The following CA10 variants were observed in gnomAD, a reference collection of about 807,000 sequenced individuals.
CA10 encodes the protein carbonic anhydrase-related protein 10.
In CA10, 14 loss-of-function variants were observed where a neutral mutation model predicts 44.2. That is an observed-to-expected ratio of 0.32 (90% confidence interval 0.21 to 0.50). The LOEUF is 0.50. CA10 is among the 20% of genes least tolerant of loss of function. The pLI, the probability that CA10 is intolerant of heterozygous loss-of-function variation, is 0.99. For synonymous variants in CA10, 159 were observed against 141.6 expected, an observed-to-expected ratio of 1.12 and a Z score of -0.87; for missense variants, 350 against 409.7, an observed-to-expected ratio of 0.85 and a Z score of 1.26.
chr17:52,078,182 A>G (rs1481539514), intron 1 of CA10, among the ~76,000 whole-genome samples: 2 of 152,174 alleles, frequency 1.3e-5, no homozygotes, highest in African/African-American at 2.4e-5. Flanking sequence ...AAATACCTCC[A>G]TTTGGAAATT....
intron 4 of CA10, among the ~76,000 whole-genome samples, chr17:51,699,527 C>T (rs547207935): frequency 1.2e-4 from 18 of 152,210 alleles, no homozygotes; most frequent in African/African-American, 4.3e-4. Context: ...CTACTGGTCC[C>T]TCATGTTCAG....
chr17:52,158,021 T>C lies in CA10; in HGVS notation c.-235A>G. ...TGTGCGCCCCAGATGTGCTGACACA[T>C]GTCCGATGCCTCGCTGCCTTGGAGG... On this transcript the variant is annotated 5_prime_UTR_variant, in exon 1 of 9. The change abolishes an upstream ATG in the 5' untranslated region. Transcript: ENST00000451037. 1.7e-6 allele frequency: 1 copy of C among 577,896 alleles called. No individual in the cohort carries two copies. Among genetic ancestry groups the C allele is most frequent in the South Asian group, 2.0e-5 (1 of 51,066 alleles). The allele number at this position is 577,896 out of a possible 1,614,324, so 35.8% of individuals were successfully genotyped here.
Position 51,864,464 on chromosome 17 carries a change from C to A in CA10, c.279+66526G>T, listed in dbSNP as rs569999623. On this transcript the variant is annotated intron_variant, in intron 3 of 8. Transcript: ENST00000451037. ...TAGATTTACTTCTGGCATTTGAAGCCCTCACATCTCTTGTTCTATTTCCTT... is the reference window on the plus strand; with the variant it reads ...TAGATTTACTTCTGGCATTTGAAGCACTCACATCTCTTGTTCTATTTCCTT... Among the ~76,000 whole-genome samples, 5 of 152,150 alleles carry A rather than the reference C, an allele frequency of 3.3e-5. No individual in the cohort carries two copies. In the East Asian group the frequency reaches 9.6e-4, roughly 29 times the overall value.
At chr17:51,777,094 A>G (rs1905850701) in intron 3 of CA10, among the ~76,000 whole-genome samples, 2 of 152,234 alleles carry the variant, frequency 1.3e-5, no homozygotes, top group Non-Finnish European at 2.9e-5. Context: ...AAATGAGAGG[A>G]AAAAAGAGAG....
At chr17:51,886,686 A>C (rs1399572884) in intron 3 of CA10, among the ~76,000 whole-genome samples, 1 of 152,214 alleles carries the variant, frequency 6.6e-6, no homozygotes, top group East Asian at 1.9e-4. Flanking sequence ...TGTTTCTGGA[A>C]GAGATTAGCA....
intron 2 of CA10, among the ~76,000 whole-genome samples, chr17:51,974,668 A>C (rs987595697): frequency 1.5e-4 from 23 of 152,152 alleles, no homozygotes; most frequent in African/African-American, 5.5e-4. Flanking sequence ...CCAGCTGCTG[A>C]AAACTTATTT....
At chr17:52,156,366 C>A (rs1362674458) in intron 1 of CA10, among the ~76,000 whole-genome samples, 1 of 152,184 alleles carries the variant, frequency 6.6e-6, no homozygotes, top group Non-Finnish European at 1.5e-5. Context: ...GTTGGGGTGA[C>A]CCCAGGGCAC....
rs539072041 is a variant in CA10, at chr17:52,037,729, A to C, written c.136+34590T>G. 5.3e-5 allele frequency among the ~76,000 whole-genome samples: 8 copies of C among 152,238 alleles called. No individual in the cohort carries two copies. In the South Asian group the frequency reaches 1.0e-3, roughly 20 times the overall value. ...TGACATTTTTATGAAGATTGTCTTA[A>C]CTATGCAGAGTCTGTATTTTCCCAA... On this transcript the variant is annotated intron_variant, in intron 2 of 8. Coordinates refer to ENST00000451037, the MANE Select transcript of CA10 (RefSeq NM_020178.5).
chr17:51,758,243 ATAT>A (rs888917466), intron 3 of CA10, among the ~76,000 whole-genome samples: 1 of 152,246 alleles, frequency 6.6e-6, no homozygotes, highest in African/African-American at 2.4e-5. Context: ...ATATTAAATC[ATAT>A]TATTATTAAA....
rs116594078 is a variant in CA10, at chr17:51,889,011, C to T, written c.279+41979G>A. 8.4e-3 allele frequency among the ~76,000 whole-genome samples: 1,283 copies of T among 152,124 alleles called. 21 individuals carry two copies. Among genetic ancestry groups the T allele is most frequent in the Middle Eastern group, 0.037 (11 of 294 alleles). On this transcript the variant is annotated intron_variant, in intron 3 of 8. Coordinates refer to ENST00000451037, the MANE Select transcript of CA10 (RefSeq NM_020178.5). ...CTGACAGTTGCTCTTAGAAGTTGGC[C>T]GGGAGCTCAGCTGGTGCTGCCAATC...
intron 8 of CA10, among the ~76,000 whole-genome samples, chr17:51,631,884 C>T (rs1337903791): frequency 6.6e-6 from 1 of 152,048 alleles, no homozygotes; most frequent in African/African-American, 2.4e-5. Context: ...TACTAGTCAC[C>T]CATCCAATGT....
At chr17:51,636,460 T>C (rs1912830497) in intron 6 of CA10, among the ~76,000 whole-genome samples, 1 of 152,160 alleles carries the variant, frequency 6.6e-6, no homozygotes, top group Non-Finnish European at 1.5e-5. Context: ...AGAAGTCACA[T>C]GGTTAAGGCT....
intron 4 of CA10, among the ~76,000 whole-genome samples, chr17:51,717,995 G>A (rs560088467): frequency 2.7e-5 from 4 of 148,830 alleles, no homozygotes; most frequent in South Asian, 2.2e-4. Context: ...ATGTTCTCAC[G>A]GATATGTGGG....
intron 3 of CA10, among the ~76,000 whole-genome samples, chr17:51,753,534 C>T (rs1004275329): frequency 6.6e-6 from 1 of 152,164 alleles, no homozygotes; most frequent in Admixed American, 6.5e-5. Flanking sequence ...ATAAAGATGG[C>T]ATCTTGGTTA....
chr17:52,026,563 C>T (rs1309766697), intron 2 of CA10, among the ~76,000 whole-genome samples: 1 of 152,082 alleles, frequency 6.6e-6, no homozygotes, highest in Non-Finnish European at 1.5e-5. Flanking sequence ...AAAGAGGTTT[C>T]ATTGAGTCAT....
At chr17:52,046,665 T>A (rs1191949226) in intron 2 of CA10, among the ~76,000 whole-genome samples, 1 of 151,754 alleles carries the variant, frequency 6.6e-6, no homozygotes, top group African/African-American at 2.4e-5. Flanking sequence ...ATGGAACACT[T>A]TACAGCTCCT....
intron 6 of CA10, among the ~76,000 whole-genome samples, chr17:51,638,694 G>A (rs1021437828): frequency 1.4e-4 from 21 of 152,326 alleles, no homozygotes; most frequent in African/African-American, 3.6e-4. Flanking sequence ...AATGCAGAAG[G>A]CATGACAGAG....
rs140388592 is a variant in CA10 at position 52,050,240 on chromosome 17, C to T, written c.136+22079G>A. Among the ~76,000 whole-genome samples the T allele has an allele frequency of 2.8e-3, 427 of 151,972 alleles. 1 individual carries two copies. Among genetic ancestry groups the T allele is most frequent in the Non-Finnish European group, 4.5e-3 (305 of 67,890 alleles). On this transcript the variant is annotated intron_variant, in intron 2 of 8. Coordinates refer to ENST00000451037, the MANE Select transcript of CA10 (RefSeq NM_020178.5). ...TTGTAAATCCAAACTTAAGATTCAT[C>T]CTTCGTTGCTTTTTTTTCCCCCATT... is the stretch of plus-strand genomic sequence containing the variant.
In CA10 at chr17:51,640,569, A is replaced by G. The variant is rs947199429; in HGVS notation, c.635-4560T>C. On this transcript the variant is annotated intron_variant, in intron 6 of 8. Transcript: ENST00000451037. The stretch of plus-strand genomic sequence containing the variant: ...AGAGGCTGCCATTAAATCAGTGTCT[A>G]TCTTTTAGGTATTGGGATTTGAAAG... Among the ~76,000 whole-genome samples, 4 of 152,310 alleles carry G rather than the reference A, an allele frequency of 2.6e-5. No homozygotes were observed. In the South Asian group the frequency reaches 6.2e-4, roughly 24 times the overall value.
Sources: gnomAD v4.1 joint callset for allele counts (sites outside exome capture counted in the v4.1 genomes callset) on GRCh38, gnomAD v4.1.1 for gene constraint, MANE v1.5 for transcripts, NCBI Gene and HGNC (gene_info 2026-07-23, HGNC 2026-07-21) for gene names.